Variants in TNC observed in about 807,000 individuals in gnomAD.
TNC encodes tenascin.
Under a neutral mutation model 202.4 loss-of-function variants are expected in TNC, and 109 were observed. That is an observed-to-expected ratio of 0.54 (90% CI 0.46 to 0.63). The LOEUF (loss-of-function observed/expected upper bound fraction) is 0.63, where lower values mean the gene tolerates loss of function less well. Among genes scored for constraint, TNC ranks in the 30% least tolerant of loss-of-function variants. TNC has a pLI of 0.00. For synonymous variants in TNC, 1,007 were observed against 1,089.7 expected (o/e 0.92, Z 1.50); for missense variants, 2,756 against 2,833.3 (o/e 0.97, Z 0.62).
intron 27 of TNC, among the ~76,000 whole-genome samples, chr9:115,022,292 T>C (rs1829132624): frequency 1.3e-5 from 2 of 152,270 alleles, no homozygotes; most frequent in African/African-American, 4.8e-5. Flanking sequence ...ATTACTCAGT[T>C]ACAGTGAGTA....
At chr9:115,110,729 T>C (rs1342490763) in intron 1 of TNC, among the ~76,000 whole-genome samples, 2 of 152,176 alleles carry the variant, frequency 1.3e-5, no homozygotes, top group Non-Finnish European at 2.9e-5. Flanking sequence ...ACATTTGGAA[T>C]CATTGCCGTG....
intron 26 of TNC, 36 bp downstream of exon 26, chr9:115,026,498 T>A: frequency 6.2e-7 from 1 of 1,601,176 alleles, no homozygotes; most frequent in Non-Finnish European, 8.5e-7. Context: ...AAGGTCTCCA[T>A]GGCTTTGTAG....
chr9:115,021,508 G>T (rs1004853462), intron 27 of TNC, among the ~76,000 whole-genome samples: 1 of 152,170 alleles, frequency 6.6e-6, no homozygotes, highest in African/African-American at 2.4e-5. Context: ...GTCAAGAGTC[G>T]CCTGAGTTTG....
intron 27 of TNC, among the ~76,000 whole-genome samples, chr9:115,022,436 G>A (rs1829143682): frequency 1.3e-5 from 2 of 152,220 alleles, no homozygotes; most frequent in South Asian, 4.1e-4. Flanking sequence ...TGACTTTGCA[G>A]AGGCCACACA....
At chr9:115,036,953 C>T (rs1830380015) in intron 20 of TNC, among the ~76,000 whole-genome samples, 4 of 152,148 alleles carry the variant, frequency 2.6e-5, no homozygotes. Context: ...TGAGCACCAC[C>T]CCCTCTTCTG....
At position 115,085,927 on chromosome 9, in the gene TNC, C is replaced by T. The variant is rs1564118059; in HGVS notation, c.1804G>A (p.Gly602Arg). ...ATGCAGCGGCCCGAGACGCATTGTC[C>T]TAAGTTGTTGCAGTCACTGGGGCAG... is the stretch of plus-strand genomic sequence containing the variant. Reference protein sequence around the residue: ...HSCPSDCNNLGQCVSGRCICN... With the variant: ...HSCPSDCNNLRQCVSGRCICN... The change falls in exon 3 of 28, where the codon GGA becomes AGA. Residue 602 changes from glycine to arginine, a missense_variant. Around this residue, in one of 2 missense-constraint regions of TNC, gnomAD observed 2,559 missense variants for 2,546.0 expected, o/e 1.01. Coordinates refer to ENST00000350763, the MANE Select transcript of TNC (RefSeq NM_002160.4). 4 of 1,614,010 alleles carry T rather than the reference C, an allele frequency of 2.5e-6. No individual in the cohort carries two copies. Among genetic ancestry groups the T allele is most frequent in the South Asian group, 1.1e-5 (1 of 91,024 alleles).
In TNC at chr9:115,113,120, G is replaced by A. The variant is rs77673595; in HGVS notation, c.-137+4862C>T. ...AGCCTGAAGGAGCAAGCTGGAGATAGCAAAATTAACCAGTCTGTCAAAGAA... is the reference window on the plus strand; with the variant it reads ...AGCCTGAAGGAGCAAGCTGGAGATAACAAAATTAACCAGTCTGTCAAAGAA... On this transcript the variant is annotated intron_variant, in intron 1 of 27. Transcript: ENST00000350763. Among the ~76,000 whole-genome samples the A allele has an allele frequency of 6.1e-3, 935 of 152,048 alleles. 7 individuals are homozygous for A. The highest frequency in any genetic ancestry group is 0.021 in the African/African-American group (882 of 41,474).
chr9:115,087,390 T>G (rs1437094098), intron 2 of TNC, 117 bp from the exon 3 acceptor site: 2 of 998,060 alleles, frequency 2.0e-6, no homozygotes, highest in Non-Finnish European at 2.9e-6. Context: ...TCAGGCTCCA[T>G]CTGGCTTGAG....
intron 2 of TNC, among the ~76,000 whole-genome samples, chr9:115,088,908 A>G (rs1351683924): frequency 1.3e-5 from 2 of 152,138 alleles, no homozygotes; most frequent in African/African-American, 4.8e-5. Flanking sequence ...TTCAGGCTGA[A>G]AAACCAATAT....
Position 115,057,385 on chromosome 9 carries a change from T to C in TNC, c.4347A>G (p.Ile1449Met). The part of the protein sequence containing the change: ...PEIGNLNVSD[I>M]TPESFNLSWM... ...AGGAGAGATTGAAGCTCTCGGGAGTTATGTCAGAAACATTTAAGTTTCCAA... is the reference window on the plus strand; with the variant it reads ...AGGAGAGATTGAAGCTCTCGGGAGTCATGTCAGAAACATTTAAGTTTCCAA... The change falls in exon 15 of 28, where the codon ATA becomes ATG. Residue 1449 changes from isoleucine to methionine, a missense_variant. This residue lies in a region of TNC where 2,559 missense variants were observed against 2,546.0 expected (regional missense o/e 1.01). Coordinates refer to ENST00000350763, the MANE Select transcript of TNC (RefSeq NM_002160.4). 6.2e-7 allele frequency: 1 copy of C among 1,613,412 alleles called. No individual in the cohort carries two copies. Among genetic ancestry groups the C allele is most frequent in the Non-Finnish European group, 8.5e-7 (1 of 1,179,982 alleles).
chr9:115,104,779 C>G (rs1363701005), intron 1 of TNC, among the ~76,000 whole-genome samples: 4 of 152,048 alleles, frequency 2.6e-5, no homozygotes, highest in South Asian at 2.1e-4. Flanking sequence ...AGAGGTGGTT[C>G]AAGCACTGGT....
chr9:115,036,158 T>C lies in TNC; in HGVS notation c.5596A>G (p.Arg1866Gly), dbSNP rs1351362698. 1 of 1,614,190 alleles carries C rather than the reference T, an allele frequency of 6.2e-7. No individual in the cohort carries two copies. Among genetic ancestry groups the C allele is most frequent in the East Asian group, 2.2e-5 (1 of 44,888 alleles). Reference sequence around the variant, plus strand: ...TGGGGCCCTTTCTCTGCAAAGATTCTCAGTGTGTATTCCGTGGCAGGCTCG... The same window carrying C: ...TGGGGCCCTTTCTCTGCAAAGATTCCCAGTGTGTATTCCGTGGCAGGCTCG... ...DLEPATEYTL[R>G]IFAEKGPQKS... The change falls in exon 21 of 28, where the codon AGA becomes GGA. Residue 1866 changes from arginine (R) to glycine (G), a missense_variant. Arg to Gly is a moderately radical substitution (Grantham distance 125). Around this residue, in one of 2 missense-constraint regions of TNC, gnomAD observed 2,559 missense variants for 2,546.0 expected, o/e 1.01. Coordinates refer to ENST00000350763, the MANE Select transcript of TNC (RefSeq NM_002160.4).
chr9:115,093,765 A>C (rs1250020), intron 1 of TNC, among the ~76,000 whole-genome samples: 1 of 152,162 alleles, frequency 6.6e-6, no homozygotes, highest in African/African-American at 2.4e-5. Flanking sequence ...TCCAAGGCAA[A>C]GAGTTTAGGG....
chr9:115,035,377 T>G, intron 21 of TNC, 43 bp from the exon 22 acceptor site: 1 of 1,574,358 alleles, frequency 6.4e-7, no homozygotes, highest in Non-Finnish European at 8.6e-7. Flanking sequence ...GATCAGCAAA[T>G]GTAGGGCAGA....
intron 25 of TNC, among the ~76,000 whole-genome samples, chr9:115,028,391 G>T (rs1323132853): frequency 3.3e-5 from 5 of 152,122 alleles, no homozygotes; most frequent in African/African-American, 1.2e-4. Context: ...TTGTAGGGGT[G>T]CTATGGGGGT....
chr9:115,070,307 T>C (rs1833368179), intron 10 of TNC, among the ~76,000 whole-genome samples: 1 of 152,054 alleles, frequency 6.6e-6, no homozygotes, highest in African/African-American at 2.4e-5. Flanking sequence ...GCACGCTCTG[T>C]GAAGTGCTGG....
At chr9:115,098,745 T>C (rs1042347412) in intron 1 of TNC, among the ~76,000 whole-genome samples, 1 of 152,186 alleles carries the variant, frequency 6.6e-6, no homozygotes, top group African/African-American at 2.4e-5. Context: ...TGAGGCAGCT[T>C]ACACCAAATT....
At chr9:115,077,830 C>G in intron 7 of TNC, 113 bp downstream of exon 7, 1 of 1,078,954 alleles carries the variant, frequency 9.3e-7, no homozygotes, top group Non-Finnish European at 1.3e-6. Flanking sequence ...TAGAAATACC[C>G]CTTTCATTTT....
chr9:115,108,273 G>A (rs557503378), intron 1 of TNC, among the ~76,000 whole-genome samples: 127 of 152,120 alleles, frequency 8.3e-4, no homozygotes, highest in Non-Finnish European at 1.7e-3. Context: ...CCCAGACTAC[G>A]TTGCAAGATG....
Sources: allele counts gnomAD v4.1 joint callset (sites outside exome capture counted in the v4.1 genomes callset), GRCh38; gene constraint gnomAD v4.1.1; regional missense constraint gnomAD v4.1.1; transcripts MANE v1.5; gene names NCBI Gene and HGNC (gene_info 2026-07-23, HGNC 2026-07-21).